Variants in SLC15A1 observed in about 807,000 individuals in gnomAD.
SLC15A1 encodes the protein Caco-2 oligopeptide transporter.
Under a neutral mutation model 92.9 loss-of-function variants are expected in SLC15A1, and 83 were observed. That is an observed-to-expected ratio of 0.89 (90% CI 0.75 to 1.07). The LOEUF (loss-of-function observed/expected upper bound fraction) is 1.07, where lower values mean the gene tolerates loss of function less well. SLC15A1 is among the 50% of genes least tolerant of loss of function. SLC15A1 has a pLI of 0.00. For missense variants in SLC15A1, 857 were observed against 880.1 expected, an observed-to-expected ratio of 0.97 and a Z score of 0.33; for synonymous variants, 322 against 318.2, an observed-to-expected ratio of 1.01 and a Z score of -0.13.
At chr13:98,726,960 G>A (rs902978027) in intron 1 of SLC15A1, 101 bp from the exon 2 acceptor site, 4 of 1,098,222 alleles carry the variant, frequency 3.6e-6, no homozygotes, top group Non-Finnish European at 5.6e-6. Context: ...GGTCAGAGGG[G>A]CCATTCACCA....
At chr13:98,721,204 C>T in intron 7 of SLC15A1, 1 of 570,832 alleles carries the variant, frequency 1.8e-6, no homozygotes, top group Non-Finnish European at 3.4e-6. Context: ...TGCCTCTTAC[C>T]TCTTACCACG....
intron 17 of SLC15A1, among the ~76,000 whole-genome samples, chr13:98,703,169 G>A (rs1442677750): frequency 7.9e-6 from 1 of 127,066 alleles, no homozygotes; most frequent in African/African-American, 2.9e-5. Flanking sequence ...CGGACAGAAG[G>A]AAGGAAGGAA....
chr13:98,718,797 A>G (rs1296154456), intron 8 of SLC15A1, among the ~76,000 whole-genome samples: 1 of 152,138 alleles, frequency 6.6e-6, no homozygotes, highest in Non-Finnish European at 1.5e-5. Flanking sequence ...CGACAAGAGC[A>G]AGACTCTGTC....
chr13:98,727,932 G>A (rs766691307), intron 1 of SLC15A1, among the ~76,000 whole-genome samples: 6 of 152,200 alleles, frequency 3.9e-5, no homozygotes, highest in Non-Finnish European at 8.8e-5. Flanking sequence ...ACACTGGAGT[G>A]TGCCTCAGAA....
intron 7 of SLC15A1, chr13:98,720,550 A>G (rs1027949816): frequency 6.5e-6 from 1 of 153,276 alleles, no homozygotes; most frequent in Admixed American, 6.5e-5. Context: ...TCTTTATTTC[A>G]TAATCTAATC....
intron 1 of SLC15A1, among the ~76,000 whole-genome samples, chr13:98,743,801 C>A (rs1205554688): frequency 2.0e-5 from 3 of 152,044 alleles, no homozygotes; most frequent in Non-Finnish European, 4.4e-5. Flanking sequence ...AAATGCCAGA[C>A]TGCCGAGGGT....
chr13:98,736,040 C>A (rs1281952990), intron 1 of SLC15A1, among the ~76,000 whole-genome samples: 1 of 152,144 alleles, frequency 6.6e-6, no homozygotes, highest in Non-Finnish European at 1.5e-5. Context: ...CCAAGACAAT[C>A]CCAAGCAAAA....
intron 1 of SLC15A1, among the ~76,000 whole-genome samples, chr13:98,732,673 T>C (rs943438372): frequency 1.3e-5 from 2 of 152,158 alleles, no homozygotes; most frequent in Non-Finnish European, 2.9e-5. Context: ...AGAGTGCATC[T>C]CTAGGAGTTG....
intron 9 of SLC15A1, among the ~76,000 whole-genome samples, chr13:98,712,986 T>A (rs1244482133): frequency 6.6e-6 from 1 of 152,144 alleles, no homozygotes; most frequent in Non-Finnish European, 1.5e-5. Flanking sequence ...TAATAAGAAT[T>A]TTTACCTTCT....
intron 1 of SLC15A1, among the ~76,000 whole-genome samples, chr13:98,750,649 C>G (rs12184574): frequency 6.6e-6 from 1 of 152,076 alleles, no homozygotes; most frequent in Non-Finnish European, 1.5e-5. Context: ...CTAAGGACCA[C>G]GTCCTTTTTG....
intron 1 of SLC15A1, among the ~76,000 whole-genome samples, chr13:98,750,304 G>C (rs58836850): frequency 5.9e-4 from 90 of 152,158 alleles, no homozygotes; most frequent in African/African-American, 2.1e-3. Flanking sequence ...GTAGAGACGG[G>C]GTTTCACCAT....
intron 1 of SLC15A1, among the ~76,000 whole-genome samples, chr13:98,727,813 C>T (rs1271051445): frequency 2.0e-5 from 3 of 152,230 alleles, no homozygotes; most frequent in Non-Finnish European, 4.4e-5. Context: ...CCTTCCCCCT[C>T]ACTCACCCCG....
chr13:98,705,044 C>G (rs2088100762), intron 16 of SLC15A1, among the ~76,000 whole-genome samples: 1 of 151,668 alleles, frequency 6.6e-6, no homozygotes, highest in Non-Finnish European at 1.5e-5. Context: ...ATTAAAAATA[C>G]AAAAATTAGT....
chr13:98,688,364 A>G lies in SLC15A1; in HGVS notation c.1575-8T>C. 1 of 1,610,408 alleles carries G rather than the reference A, an allele frequency of 6.2e-7. No individual in the cohort carries two copies. The highest frequency in any genetic ancestry group is 8.5e-7 in the Non-Finnish European group (1 of 1,177,668). On this transcript the variant is annotated splice_region_variant and splice_polypyrimidine_tract_variant and intron_variant, in intron 19 of 22. Coordinates refer to ENST00000376503, the MANE Select transcript of SLC15A1 (RefSeq NM_005073.4). ...CTTATTGTGAAGCCTTTTCTATCAA[A>G]ATAAAGAATAATATTGGTTAACATT... is the stretch of plus-strand genomic sequence containing the variant.
At chr13:98,747,105 A>G (rs1471050389) in intron 1 of SLC15A1, among the ~76,000 whole-genome samples, 4 of 152,054 alleles carry the variant, frequency 2.6e-5, no homozygotes, top group Non-Finnish European at 5.9e-5. Flanking sequence ...GTCCTCCGCA[A>G]TAGACTTCCA....
At position 98,684,772 on chromosome 13, in the gene SLC15A1, C is replaced by A; in HGVS notation, c.2079G>T (p.Lys693Asn). Reference sequence around the variant, plus strand: ...CCCCTGACATGAAATATGGGTTACTCTTTTCCAGTCTGTTTTTCTTTTCAT... The same window carrying A: ...CCCCTGACATGAAATATGGGTTACTATTTTCCAGTCTGTTTTTCTTTTCAT... Reference protein sequence around the residue: ...DEDEKKNRLEKSNPYFMSGAN... With the variant: ...DEDEKKNRLENSNPYFMSGAN... Residue 693 changes from lysine to asparagine, a missense_variant, in exon 23 of 23, where the codon AAG (lysine) becomes AAT (asparagine). Physicochemically the swap from Lys to Asn is moderately conservative, Grantham distance 94. Coordinates refer to ENST00000376503, the MANE Select transcript of SLC15A1 (RefSeq NM_005073.4). 1 of 1,614,046 alleles carries A rather than the reference C, an allele frequency of 6.2e-7. No individual in the cohort carries two copies. The highest frequency in any genetic ancestry group is 8.5e-7 in the Non-Finnish European group (1 of 1,180,020).
chr13:98,749,726 T>A (rs1230092788), intron 1 of SLC15A1, among the ~76,000 whole-genome samples: 1 of 152,200 alleles, frequency 6.6e-6, no homozygotes, highest in Non-Finnish European at 1.5e-5. Context: ...ATCCCCAAAC[T>A]ATGGCTCATG....
intron 18 of SLC15A1, among the ~76,000 whole-genome samples, chr13:98,700,484 C>CAAAAAAAAAAA (rs56342746): frequency 2.9e-4 from 15 of 50,904 alleles, no homozygotes; most frequent in African/African-American, 1.2e-3. Context: ...GACCCTGTCT[C>CAAAAAAAAAAA]AAAAAAAAAA....
In SLC15A1 at chr13:98,712,562, C is replaced by T; in HGVS notation, c.746G>A (p.Arg249Lys). Residue 249 changes from arginine (R) to lysine (K), a missense_variant, in exon 10 of 23, where the codon AGG becomes AAG. Physicochemically the swap from Arg to Lys is conservative, Grantham distance 26 (BLOSUM62 2). Transcript: ENST00000376503. Reference protein sequence around the residue: ...CIGFAIKNRFRHRSKAFPKRE... With the variant: ...CIGFAIKNRFKHRSKAFPKRE... ...CTTGGGAAATGCCTTACTCCGATGC[C>T]TAAATCTATTTTTGATGGCAAACTG... 6.2e-7 allele frequency: 1 copy of T among 1,607,462 alleles called. No homozygotes were observed. Among genetic ancestry groups the T allele is most frequent in the Non-Finnish European group, 8.5e-7 (1 of 1,177,536 alleles).
Sources: gnomAD v4.1 joint callset for allele counts (sites outside exome capture counted in the v4.1 genomes callset) on GRCh38, gnomAD v4.1.1 for gene constraint, MANE v1.5 for transcripts, NCBI Gene and HGNC (gene_info 2026-07-23, HGNC 2026-07-21) for gene names.